The following GRID2 variants were observed in gnomAD, a reference collection of about 807,000 sequenced individuals.
GRID2 encodes the protein glutamate receptor ionotropic, delta-2.
GRID2 carries 33 observed loss-of-function variants against 114.8 expected under a neutral mutation model. That is an observed-to-expected ratio of 0.29 (90% confidence interval 0.22 to 0.38). GRID2 has a LOEUF of 0.38. Ranked by LOEUF, GRID2 falls within the 10% of genes least tolerant of loss-of-function variation. GRID2 has a pLI of 1.00. For synonymous variants in GRID2, 505 were observed against 449.9 expected, an observed-to-expected ratio of 1.12 and a Z score of -1.55; for missense variants, 1,184 against 1,257.7, an observed-to-expected ratio of 0.94 and a Z score of 0.89.
chr4:93,677,757 C>T (rs1272530885), intron 14 of GRID2, among the ~76,000 whole-genome samples: 2 of 152,086 alleles, frequency 1.3e-5, no homozygotes, highest in East Asian at 3.9e-4. Flanking sequence ...ACAGAAAGGA[C>T]ATCCACACCA....
At chr4:92,337,853 A>T (rs150257607) in intron 1 of GRID2, among the ~76,000 whole-genome samples, 1 of 152,296 alleles carries the variant, frequency 6.6e-6, no homozygotes, top group Non-Finnish European at 1.5e-5. Flanking sequence ...CCAACGAGGT[A>T]TCTGGAGTGA....
At chr4:93,502,112 A>G (rs915857174) in intron 12 of GRID2, among the ~76,000 whole-genome samples, 1 of 152,106 alleles carries the variant, frequency 6.6e-6, no homozygotes, top group African/African-American at 2.4e-5. Flanking sequence ...TAATGTGGGA[A>G]GAGTAGTGAT....
At chr4:92,963,207 G>A (rs896981867) in intron 2 of GRID2, among the ~76,000 whole-genome samples, 24 of 151,974 alleles carry the variant, frequency 1.6e-4, no homozygotes, top group South Asian at 1.0e-3. Flanking sequence ...GTTGCTAACT[G>A]AGGCAATTTC....
chr4:93,681,538 G>T (rs1443464740), intron 14 of GRID2, among the ~76,000 whole-genome samples: 5 of 151,840 alleles, frequency 3.3e-5, no homozygotes, highest in Non-Finnish European at 5.9e-5. Flanking sequence ...TATACTACAA[G>T]GCTACAGTAA....
chr4:92,459,519 C>T (rs150296411), intron 1 of GRID2, among the ~76,000 whole-genome samples: 49 of 152,188 alleles, frequency 3.2e-4, no homozygotes, highest in African/African-American at 1.1e-3. Context: ...ATGTTGCTTT[C>T]CAGAGTCTTA....
chr4:93,556,495 A>G (rs1209447326), intron 13 of GRID2, among the ~76,000 whole-genome samples: 1 of 152,220 alleles, frequency 6.6e-6, no homozygotes, highest in Non-Finnish European at 1.5e-5. Flanking sequence ...ATCAAACAGA[A>G]GAAAAGATAT....
intron 4 of GRID2, among the ~76,000 whole-genome samples, chr4:93,132,668 A>G (rs1734908450): frequency 6.6e-6 from 1 of 152,154 alleles, no homozygotes; most frequent in Non-Finnish European, 1.5e-5. Context: ...TAAAAGATGA[A>G]AGGCTAAAAT....
intron 1 of GRID2, among the ~76,000 whole-genome samples, chr4:92,551,253 CCTGT>C (rs1726569785): frequency 1.7e-5 from 2 of 119,410 alleles, no homozygotes; most frequent in South Asian, 5.9e-4. Context: ...TACATCTACA[CCTGT>C]GTGTGTGTGT....
chr4:93,067,844 A>G (rs763292481), intron 2 of GRID2, among the ~76,000 whole-genome samples: 1 of 152,044 alleles, frequency 6.6e-6, no homozygotes, highest in African/African-American at 2.4e-5. Context: ...TTATCCAACT[A>G]GTTTAGGCTA....
At chr4:92,746,688 A>G (rs2149335350) in intron 2 of GRID2, among the ~76,000 whole-genome samples, 1 of 152,202 alleles carries the variant, frequency 6.6e-6, no homozygotes, top group Admixed American at 6.5e-5. Context: ...GGGATTCTGA[A>G]GAGTCTTTTT....
intron 3 of GRID2, among the ~76,000 whole-genome samples, chr4:93,090,980 T>G (rs1732460508): frequency 6.6e-6 from 1 of 152,156 alleles, no homozygotes; most frequent in Admixed American, 6.6e-5. Context: ...CCGTCCTCAT[T>G]GTCTACTCCA....
intron 2 of GRID2, among the ~76,000 whole-genome samples, chr4:92,921,431 T>C (rs1480283795): frequency 6.6e-6 from 1 of 152,116 alleles, no homozygotes; most frequent in African/African-American, 2.4e-5. Context: ...CGCTCTGATT[T>C]TTAGAGTTTC....
intron 4 of GRID2, among the ~76,000 whole-genome samples, chr4:93,169,054 T>TA (rs890103481): frequency 2.0e-5 from 3 of 151,862 alleles, no homozygotes; most frequent in Non-Finnish European, 2.9e-5. Context: ...TACTATTTTT[T>TA]AAAAAACAGT....
chr4:93,145,001 C>G (rs1235700615), intron 4 of GRID2, among the ~76,000 whole-genome samples: 1 of 152,160 alleles, frequency 6.6e-6, no homozygotes, highest in African/African-American at 2.4e-5. Flanking sequence ...ATTTCTGTTC[C>G]TTGATCATAC....
At chr4:92,678,053 G>T (rs1733465057) in intron 2 of GRID2, among the ~76,000 whole-genome samples, 1 of 151,986 alleles carries the variant, frequency 6.6e-6, no homozygotes, top group African/African-American at 2.4e-5. Flanking sequence ...CACTCATTAT[G>T]TCCTGTCCTA....
intron 4 of GRID2, among the ~76,000 whole-genome samples, chr4:93,175,226 A>G (rs1739241731): frequency 6.6e-6 from 1 of 152,130 alleles, no homozygotes; most frequent in Admixed American, 6.5e-5. Context: ...GCTGGAGTGC[A>G]GTGGCATGAT....
chr4:92,715,169 C>T (rs934597122), intron 2 of GRID2, among the ~76,000 whole-genome samples: 1 of 152,130 alleles, frequency 6.6e-6, no homozygotes, highest in African/African-American at 2.4e-5. Flanking sequence ...AAGTTCCACA[C>T]ATTTCTAGGA....
intron 1 of GRID2, among the ~76,000 whole-genome samples, chr4:92,531,754 C>T (rs995744217): frequency 4.0e-4 from 61 of 151,868 alleles, no homozygotes; most frequent in African/African-American, 1.5e-3. Flanking sequence ...AAAACCATAG[C>T]TATGACAGAT....
At chr4:92,763,375 A>G (rs1412324180) in intron 2 of GRID2, among the ~76,000 whole-genome samples, 6 of 152,220 alleles carry the variant, frequency 3.9e-5, no homozygotes, top group African/African-American at 1.4e-4. Flanking sequence ...ATATTTATAC[A>G]GTCTGTCCTC....
Sources: gnomAD v4.1 joint callset for allele counts (sites outside exome capture counted in the v4.1 genomes callset) on GRCh38, gnomAD v4.1.1 for gene constraint, MANE v1.5 for transcripts, NCBI Gene and HGNC (gene_info 2026-07-23, HGNC 2026-07-21) for gene names.